Variants in PAX6 observed in about 807,000 individuals in gnomAD.
PAX6 encodes the protein paired box 6.
PAX6 carries 7 observed loss-of-function variants against 60.7 expected under a neutral mutation model. The observed-to-expected ratio is 0.12, with a 90% CI of 0.07 to 0.22. The LOEUF is 0.22. Among genes scored for constraint, PAX6 ranks in the 10% least tolerant of loss-of-function variants. The pLI is 1.00. For synonymous variants in PAX6, 208 were observed against 201.2 expected (o/e 1.03, Z -0.29); for missense variants, 355 against 555.2 (o/e 0.64, Z 3.62).
At position 31,802,833 on chromosome 11, in the gene PAX6, A is replaced by G; in HGVS notation, c.12T>C (p.Ser4=). 1 of 1,613,916 alleles carries G rather than the reference A, an allele frequency of 6.2e-7. No homozygotes were observed. Among genetic ancestry groups the G allele is most frequent in the Non-Finnish European group, 8.5e-7 (1 of 1,179,940 alleles). The change falls in exon 5 of 14, where the codon AGT becomes AGC. Residue 4 remains serine (S), a splice_region_variant and synonymous_variant. Coordinates refer to ENST00000640368, the MANE Select transcript of PAX6 (RefSeq NM_001368894.2). MQN[S]HSGVNQLGGV... ...CACCGAGCTGATTCACTCCGCTGTG[A>G]CCTGAGGAAAGGGAGAGGAGAGGAA...
At chr11:31,810,314 G>A (rs1417410443) in intron 2 of PAX6, 1 of 152,332 alleles carries the variant, frequency 6.6e-6, no homozygotes, top group Non-Finnish European at 1.5e-5. Context: ...CGGAGACGCG[G>A]CGAGCAGGTT....
Position 31,789,230 on chromosome 11 carries a change from A to T in PAX6, c.*704T>A. 4.7e-6 allele frequency: 1 copy of T among 212,016 alleles called. No individual in the cohort carries two copies. The highest frequency in any genetic ancestry group is 9.6e-6 in the Non-Finnish European group (1 of 104,624). 13.1% of individuals were successfully genotyped at this position (212,016 alleles called of 1,614,324 possible). On this transcript the variant is annotated 3_prime_UTR_variant, in exon 14 of 14. Coordinates refer to ENST00000640368, the MANE Select transcript of PAX6 (RefSeq NM_001368894.2). ...TGAAATTAACTTTATTATAGAAATCATTCTGAGGATTTCTAGGGAAGACAA... is the reference window on the plus strand; with the variant it reads ...TGAAATTAACTTTATTATAGAAATCTTTCTGAGGATTTCTAGGGAAGACAA...
At chr11:31,798,335 TCAC>T (rs1324959176) in intron 8 of PAX6, among the ~76,000 whole-genome samples, 1 of 152,194 alleles carries the variant, frequency 6.6e-6, no homozygotes, top group Non-Finnish European at 1.5e-5. Context: ...GCGATTTTAT[TCAC>T]CGCCGCATGG....
At chr11:31,797,745 C>A (rs1281192596) in intron 8 of PAX6, among the ~76,000 whole-genome samples, 1 of 152,124 alleles carries the variant, frequency 6.6e-6, no homozygotes, top group East Asian at 1.9e-4. Context: ...AAGCTTTTAA[C>A]AAAATAAAAC....
chr11:31,790,821 G>A lies in PAX6; in HGVS notation c.1114C>T (p.Leu372=). ...PSQTSSYSCM[L]PTSPSVNGRS... is the part of the protein sequence containing the mutation. Reference sequence around the variant, plus strand: ...CCATTCACCGAAGGGCTGGTGGGCAGCATGCAGGAGTATGAGGAGGTCTGG... The same window carrying A: ...CCATTCACCGAAGGGCTGGTGGGCAACATGCAGGAGTATGAGGAGGTCTGG... Residue 372 remains leucine, a synonymous_variant, in exon 13 of 14, where the codon CTG becomes TTG. Coordinates refer to ENST00000640368, the MANE Select transcript of PAX6 (RefSeq NM_001368894.2). 6.2e-7 allele frequency: 1 copy of A among 1,614,160 alleles called. No homozygotes were observed. The highest frequency in any genetic ancestry group is 8.5e-7 in the Non-Finnish European group (1 of 1,180,020).
At chr11:31,813,340 G>T (rs1462325437), upstream of PAX6, among the ~76,000 whole-genome samples, 1 of 139,452 alleles carries the variant, frequency 7.2e-6, no homozygotes, top group Non-Finnish European at 1.5e-5. Context: ...AAGAAGCTTG[G>T]ACTCAAGACT....
At chr11:31,798,635 C>A (rs958967571) in intron 8 of PAX6, among the ~76,000 whole-genome samples, 2 of 152,146 alleles carry the variant, frequency 1.3e-5, no homozygotes, top group African/African-American at 4.8e-5. Context: ...CCTGAGGTGA[C>A]AATCACCCCC....
chr11:31,813,381 C>CG (rs1229767382), upstream of PAX6, among the ~76,000 whole-genome samples: 173 of 25,016 alleles, frequency 6.9e-3, no homozygotes, highest in Non-Finnish European at 8.1e-3. Context: ...GAGGGACTTG[C>CG]GGGGGGGCGG....
intron 2 of PAX6, chr11:31,807,461 T>A (rs868733106): frequency 1.3e-5 from 2 of 152,328 alleles, no homozygotes; most frequent in Middle Eastern, 3.4e-3. Context: ...CTCCTCTCCC[T>A]ACACCAAAAA....
At chr11:31,816,548 G>T (rs777759794) in intron 1 of PAX6, 2 of 702,650 alleles carry the variant, frequency 2.8e-6, no homozygotes, top group Non-Finnish European at 5.2e-6. Flanking sequence ...TATGACTGGA[G>T]GAGAAGGTCC....
upstream of PAX6, chr11:31,812,674 G>C (rs1215351947): frequency 3.9e-5 from 6 of 152,468 alleles, no homozygotes; most frequent in Admixed American, 2.0e-4. Context: ...CGGCGGCTTC[G>C]GGCCACGGAG....
chr11:31,795,065 A>G (rs1049175764), intron 8 of PAX6, among the ~76,000 whole-genome samples: 1 of 152,232 alleles, frequency 6.6e-6, no homozygotes, highest in Non-Finnish European at 1.5e-5. Flanking sequence ...TCCAATTAAA[A>G]TGATCTTTTA....
rs908557475 is a variant in PAX6 at position 31,810,900 on chromosome 11, C to T, written c.-201G>A. ...TGTTTGGTTGGGGTTTTTTGTGCTG[C>T]TGTTGTTGCTTGAAGACCACAATGG... On this transcript the variant is annotated 5_prime_UTR_variant, in exon 2 of 14. Coordinates refer to ENST00000640368, the MANE Select transcript of PAX6 (RefSeq NM_001368894.2). 10 of 399,084 alleles carry T rather than the reference C, an allele frequency of 2.5e-5. No individual in the cohort carries two copies. In the Admixed American group the frequency reaches 3.5e-4, roughly 14 times the overall value. The allele number at this position is 399,084 out of a possible 1,614,324, so 24.7% of individuals were successfully genotyped here. A position where few individuals can be genotyped will look rare whatever the true frequency, so the allele number is the denominator to read the frequency against.
intron 10 of PAX6, 40 bp from the exon 11 acceptor site, chr11:31,793,842 C>A: frequency 6.2e-7 from 1 of 1,613,278 alleles, no homozygotes; most frequent in Non-Finnish European, 8.5e-7. Context: ...GTGTCTACGT[C>A]GAGCCCAGCC....
At chr11:31,806,291 A>T in intron 4 of PAX6, 111 bp downstream of exon 4, 1 of 1,318,742 alleles carries the variant, frequency 7.6e-7, no homozygotes, top group Non-Finnish European at 1.1e-6. Flanking sequence ...CCCGGGCCTC[A>T]GTCGGTCGGC....
At chr11:31,797,509 A>AG (rs1554984210) in intron 8 of PAX6, among the ~76,000 whole-genome samples, 1 of 138,656 alleles carries the variant, frequency 7.2e-6, no homozygotes, top group Non-Finnish European at 1.5e-5. Flanking sequence ...TAAATCTGGA[A>AG]AAAAAAAAAA....
chr11:31,794,133 T>C lies in PAX6; in HGVS notation c.725-19A>G. ...TCAAACTCTGAAAGAGTAAGTTGAT[T>C]TTCCATATTGTGCCAGAACTACACA... is the stretch of plus-strand genomic sequence containing the variant. On this transcript the variant is annotated intron_variant, in intron 9 of 13. Coordinates refer to ENST00000640368, the MANE Select transcript of PAX6 (RefSeq NM_001368894.2). 1.9e-6 allele frequency: 3 copies of C among 1,545,974 alleles called. No individual in the cohort carries two copies. The highest frequency in any genetic ancestry group is 2.7e-6 in the Non-Finnish European group (3 of 1,117,994).
chr11:31,800,691 CTTGCGTAGG>C lies in PAX6; in HGVS notation c.556_564del (p.Pro186_Gln188del), dbSNP rs747077748. 1.3e-5 allele frequency: 21 copies of C among 1,614,084 alleles called. No individual in the cohort carries two copies. In the East Asian group the frequency reaches 3.8e-4, roughly 29 times the overall value. ...GCGTGGATGGCTGCTTGGGTTTTAC[CTTGCGTAGG>C]TTGCCCTGGCACCGAAGTCCCCGGA... is the stretch of plus-strand genomic sequence containing the variant. On this transcript the variant is annotated inframe_deletion and splice_region_variant, in exon 8 of 14. Coordinates refer to ENST00000640368, the MANE Select transcript of PAX6 (RefSeq NM_001368894.2).
chr11:31,810,123 T>C (rs983284550), intron 2 of PAX6: 1 of 152,284 alleles, frequency 6.6e-6, no homozygotes, highest in Non-Finnish European at 1.5e-5. Context: ...CTTGGCCTGG[T>C]GGCTTCCTTC....
Sources: gnomAD v4.1 joint callset for allele counts (sites outside exome capture counted in the v4.1 genomes callset) on GRCh38, gnomAD v4.1.1 for gene constraint, MANE v1.5 for transcripts, NCBI Gene and HGNC (gene_info 2026-07-23, HGNC 2026-07-21) for gene names.